The following CLEC12B variants were observed in gnomAD, a reference collection of about 807,000 sequenced individuals.
CLEC12B encodes the protein macrophage antigen h.
CLEC12B carries 25 observed loss-of-function variants against 36.1 expected under a neutral mutation model. That is an observed-to-expected ratio of 0.69 (90% CI 0.50 to 0.97). The LOEUF (loss-of-function observed/expected upper bound fraction) is 0.97, where lower values mean the gene tolerates loss of function less well. Among genes scored for constraint, CLEC12B ranks in the 50% least tolerant of loss-of-function variants. CLEC12B has a pLI of 0.00. For missense variants in CLEC12B, 325 were observed against 318.4 expected, an observed-to-expected ratio of 1.02 and a Z score of -0.16; for synonymous variants, 110 against 108.5, an observed-to-expected ratio of 1.01 and a Z score of -0.09.
At position 10,010,774 on chromosome 12, in the gene CLEC12B, G is replaced by T. The variant is rs2063453946; in HGVS notation, c.15G>T (p.Val5=). Residue 5 remains valine (V), a synonymous_variant, in exon 1 of 6, where the codon GTG becomes GTT. Transcript: ENST00000338896. MSEE[V]TYATLTFQDS... ...TTTCTTCTACAATGTCTGAAGAAGT[G>T]ACCTACGCGACACTCACATTTCAGG... is the stretch of plus-strand genomic sequence containing the variant. The T allele has an allele frequency of 2.5e-6, 4 of 1,601,438 alleles. No individual in the cohort carries two copies. The South Asian group carries it at 4.4e-5, about 18-fold the overall frequency.
chr12:10,016,945 AC>A (rs894813823), intron 5 of CLEC12B: 24 of 929,340 alleles, frequency 2.6e-5, no homozygotes, highest in African/African-American at 5.6e-5. Flanking sequence ...ATCATTATCC[AC>A]CCCCCTCCCT....
chr12:10,013,133 G>C (rs1021552491), intron 2 of CLEC12B: 1 of 464,062 alleles, frequency 2.2e-6, no homozygotes, highest in Non-Finnish European at 3.8e-6. Context: ...TTTGTTTCCA[G>C]TTATTCATTA....
intron 5 of CLEC12B, chr12:10,017,388 A>C: frequency 3.0e-6 from 3 of 985,410 alleles, no homozygotes; most frequent in Non-Finnish European, 3.6e-6. Flanking sequence ...CATCATGTAA[A>C]CACATTCAGT....
intron 1 of CLEC12B, among the ~76,000 whole-genome samples, chr12:10,011,713 ACT>A (rs761014273): frequency 2.4e-4 from 36 of 152,356 alleles, no homozygotes; most frequent in Middle Eastern, 3.4e-3. Flanking sequence ...AGTCATCTGA[ACT>A]ACTTTCTCCT....
intron 2 of CLEC12B, among the ~76,000 whole-genome samples, chr12:10,013,920 A>G (rs1865404741): frequency 6.6e-6 from 1 of 152,190 alleles, no homozygotes; most frequent in Non-Finnish European, 1.5e-5. Context: ...GCAATAACGT[A>G]CGTCCATTGG....
chr12:10,017,265 CA>C lies in CLEC12B; in HGVS notation c.681-1059del, dbSNP rs1046093582. ...AAGCACATGCAGAGTAATACACAAA[CA>C]AAAAAAGTGACAGTTACTTTTTTGT... On this transcript the variant is annotated intron_variant, in intron 5 of 5. Coordinates refer to ENST00000338896, the MANE Select transcript of CLEC12B (RefSeq NM_001129998.3). The C allele has an allele frequency of 1.0e-5, 10 of 985,102 alleles. No individual in the cohort carries two copies. The African/African-American group carries it at 1.6e-4, about 16-fold the overall frequency. The allele number at this position is 985,102 out of a possible 1,614,324, so 61.0% of individuals were successfully genotyped here. A position where few individuals can be genotyped will look rare whatever the true frequency, so the allele number is the denominator to read the frequency against.
intron 4 of CLEC12B, 62 bp downstream of exon 4, chr12:10,015,468 A>G (rs1373088789): frequency 5.7e-6 from 9 of 1,565,794 alleles, no homozygotes; most frequent in Non-Finnish European, 7.8e-6. Flanking sequence ...AGAAATAAAT[A>G]AAACATCTGA....
Position 10,015,259 on chromosome 12 carries a change from A to G in CLEC12B, c.417A>G (p.Arg139=). ...QELIIHTSDH[R]CNPCPKMWQW... is the part of the protein sequence containing the mutation. Reference sequence around the variant, plus strand: ...GTATAATTTCCTTTTCAGACCACAGATGTAATCCATGTCCTAAGATGTGGC... The same window carrying G: ...GTATAATTTCCTTTTCAGACCACAGGTGTAATCCATGTCCTAAGATGTGGC... The change falls in exon 4 of 6, where the codon AGA becomes AGG. Residue 139 remains arginine, a synonymous_variant. Coordinates refer to ENST00000338896, the MANE Select transcript of CLEC12B (RefSeq NM_001129998.3). 6.2e-7 allele frequency: 1 copy of G among 1,612,206 alleles called. No individual in the cohort carries two copies. Among genetic ancestry groups the G allele is most frequent in the South Asian group, 1.1e-5 (1 of 90,972 alleles).
At chr12:10,014,256 T>C (rs1172193838) in intron 2 of CLEC12B, among the ~76,000 whole-genome samples, 1 of 152,196 alleles carries the variant, frequency 6.6e-6, no homozygotes, top group Non-Finnish European at 1.5e-5. Flanking sequence ...GCAGAATGAC[T>C]GGCCCTTCCT....
At chr12:10,015,463 T>C (rs947103831) in intron 4 of CLEC12B, 57 bp downstream of exon 4, 1 of 1,569,340 alleles carries the variant, frequency 6.4e-7, no homozygotes, top group Non-Finnish European at 8.7e-7. Flanking sequence ...GAGAGAGAAA[T>C]AAATAAAACA....
In CLEC12B at chr12:10,018,515, A is replaced by G; in HGVS notation, c.*34A>G. On this transcript the variant is annotated 3_prime_UTR_variant, in exon 6 of 6. Coordinates refer to ENST00000338896, the MANE Select transcript of CLEC12B (RefSeq NM_001129998.3). The stretch of plus-strand genomic sequence containing the variant: ...TTCCAAATTCTCCAAGAAGTAAGAG[A>G]CTTGTGAGTAAGCTCATATGAGGAA... 6.5e-7 allele frequency: 1 copy of G among 1,529,874 alleles called. No individual in the cohort carries two copies. The highest frequency in any genetic ancestry group is 8.8e-7 in the Non-Finnish European group (1 of 1,133,934). The allele number at this position is 1,529,874 out of a possible 1,614,324, so 94.8% of individuals were successfully genotyped here.
At chr12:10,016,987 C>T in intron 5 of CLEC12B, 2 of 981,950 alleles carry the variant, frequency 2.0e-6, no homozygotes, top group Non-Finnish European at 2.4e-6. Context: ...ATGTTGTCAA[C>T]GTTTTCTTAA....
chr12:10,018,220 A>T (rs1408880764), intron 5 of CLEC12B, 111 bp from the exon 6 acceptor site: 5 of 725,818 alleles, frequency 6.9e-6, no homozygotes, highest in Non-Finnish European at 8.2e-6. Context: ...TGGAGGCAGA[A>T]GTCTCTCCAT....
intron 5 of CLEC12B, chr12:10,016,509 A>G (rs553814083): frequency 4.1e-4 from 116 of 282,048 alleles, no homozygotes; most frequent in African/African-American, 2.6e-3. Context: ...TATAAAACAA[A>G]AAATTTTGAG....
At chr12:10,008,441 A>G (rs978764204), upstream of CLEC12B, among the ~76,000 whole-genome samples, 24 of 152,154 alleles carry the variant, frequency 1.6e-4, no homozygotes, top group African/African-American at 2.4e-5. Flanking sequence ...CACCTACCTG[A>G]ATGTCGAAAT....
At chr12:10,012,759 C>G in intron 1 of CLEC12B, 26 bp from the exon 2 acceptor site, 1 of 1,573,624 alleles carries the variant, frequency 6.4e-7, no homozygotes, top group Non-Finnish European at 8.7e-7. Context: ...GTTCTGTGTG[C>G]TGATTGCTCT....
At chr12:10,018,264 T>C in intron 5 of CLEC12B, 67 bp from the exon 6 acceptor site, 1 of 959,312 alleles carries the variant, frequency 1.0e-6, no homozygotes, top group Non-Finnish European at 1.5e-6. Context: ...TAAGAGCAAC[T>C]GAGGGCACTA....
At chr12:10,006,733 T>C (rs1198982776), upstream of CLEC12B, among the ~76,000 whole-genome samples, 1 of 152,158 alleles carries the variant, frequency 6.6e-6, no homozygotes, top group Non-Finnish European at 1.5e-5. Context: ...TGAGGTAATG[T>C]TGACTTTAGC....
upstream of CLEC12B, among the ~76,000 whole-genome samples, chr12:10,006,288 A>C (rs1190482963): frequency 3.3e-5 from 5 of 152,194 alleles, no homozygotes; most frequent in African/African-American, 1.2e-4. Context: ...TGAATATGCC[A>C]AGAATCCATT....
Sources: gnomAD v4.1 joint callset for allele counts (sites outside exome capture counted in the v4.1 genomes callset) on GRCh38, gnomAD v4.1.1 for gene constraint, MANE v1.5 for transcripts, NCBI Gene and HGNC (gene_info 2026-07-23, HGNC 2026-07-21) for gene names.